MTMR3: variants seen among roughly 807,000 people sequenced by gnomAD.
MTMR3 encodes myotubularin related protein 3.
In MTMR3, 32 loss-of-function variants were observed where a neutral mutation model predicts 132.4. The ratio of observed to expected loss-of-function variants is 0.24; its 90% CI spans 0.18 to 0.32. MTMR3 has a LOEUF of 0.32. MTMR3 is among the 10% of genes least tolerant of loss of function. The probability of loss-of-function intolerance (pLI) is 1.00; values close to 1 mark genes in which losing one functional copy is unlikely to be tolerated. For missense variants in MTMR3, 1,216 were observed against 1,489.6 expected (o/e 0.82, Z 3.02); for synonymous variants, 556 against 550.3 (o/e 1.01, Z -0.14).
At chr22:29,932,966 A>T (rs2065674404) in intron 1 of MTMR3, among the ~76,000 whole-genome samples, 1 of 151,924 alleles carries the variant, frequency 6.6e-6, no homozygotes, top group African/African-American at 2.4e-5. Context: ...TTTTTATAAA[A>T]TTTTAAAATT....
chr22:29,899,512 A>G (rs1221930047), intron 1 of MTMR3: 1 of 152,178 alleles, frequency 6.6e-6, no homozygotes, highest in Non-Finnish European at 1.5e-5. Flanking sequence ...CTTCAATCAC[A>G]GTATTGATTA....
intron 1 of MTMR3, among the ~76,000 whole-genome samples, chr22:29,911,762 G>A (rs1295591599): frequency 3.0e-4 from 46 of 152,138 alleles, no homozygotes; most frequent in Admixed American, 3.0e-3. Context: ...GATCAGTGGA[G>A]TGAAAATAGT....
chr22:30,015,315 T>G (rs2067553521), intron 14 of MTMR3: 2 of 151,840 alleles, frequency 1.3e-5, no homozygotes, highest in South Asian at 4.2e-4. Flanking sequence ...CACCCCGGCC[T>G]TCCAAAATGC....
At chr22:29,902,065 A>T (rs2065011124) in intron 1 of MTMR3, among the ~76,000 whole-genome samples, 2 of 152,168 alleles carry the variant, frequency 1.3e-5, no homozygotes, top group African/African-American at 2.4e-5. Context: ...TGGTTTAAAA[A>T]AATATGGTGC....
chr22:30,015,511 TCCTTCCC>T, intron 14 of MTMR3: 1 of 74,788 alleles, frequency 1.3e-5, no homozygotes, highest in Non-Finnish European at 2.6e-5. Flanking sequence ...CCTCCCTCCC[TCCTTCCC>T]TCCCTCCCTC....
chr22:29,900,140 G>A (rs2064977652), intron 1 of MTMR3, among the ~76,000 whole-genome samples: 1 of 152,002 alleles, frequency 6.6e-6, no homozygotes, highest in African/African-American at 2.4e-5. Context: ...GAGGTTTTTT[G>A]GGGTACATTA....
chr22:29,923,120 C>T (rs2065450747), intron 1 of MTMR3, among the ~76,000 whole-genome samples: 1 of 151,162 alleles, frequency 6.6e-6, no homozygotes, highest in South Asian at 2.1e-4. Flanking sequence ...CGGCTCACTG[C>T]AAGCTCCGCC....
chr22:29,967,182 C>CT (rs778452929), intron 2 of MTMR3, among the ~76,000 whole-genome samples: 3 of 143,680 alleles, frequency 2.1e-5, no homozygotes, highest in Non-Finnish European at 3.0e-5. Flanking sequence ...TATTGTTACT[C>CT]TTCACCTCTG....
chr22:29,936,812 C>CT (rs1385893865), intron 1 of MTMR3, among the ~76,000 whole-genome samples: 1 of 152,008 alleles, frequency 6.6e-6, no homozygotes, highest in Non-Finnish European at 1.5e-5. Flanking sequence ...TTCCCAAAGA[C>CT]TTTTTTCAGT....
intron 19 of MTMR3, chr22:30,025,357 G>A (rs934314963): frequency 1.5e-5 from 7 of 482,690 alleles, no homozygotes; most frequent in African/African-American, 1.2e-4. Flanking sequence ...CTCTTGAGCA[G>A]CATTCTTTTG....
chr22:29,886,103 T>C (rs1424310605), intron 1 of MTMR3, among the ~76,000 whole-genome samples: 3 of 152,240 alleles, frequency 2.0e-5, no homozygotes, highest in African/African-American at 7.2e-5. Flanking sequence ...AGATATTTTT[T>C]AATTAAGTGA....
chr22:30,023,367 C>A, intron 19 of MTMR3: 1 of 1,300,164 alleles, frequency 7.7e-7, no homozygotes, highest in Non-Finnish European at 1.1e-6. Context: ...AGTAATGATG[C>A]TTCTAGGACA....
chr22:30,008,964 A>G lies in MTMR3; in HGVS notation c.1010-54A>G. On this transcript the variant is annotated intron_variant, in intron 11 of 19. Coordinates refer to ENST00000401950, the MANE Select transcript of MTMR3 (RefSeq NM_021090.4). ...AGCCAGTTTGCTTTTAAATTTGGCC[A>G]TGTGGGCTTTAAGTTCAACGTATTT... The G allele has an allele frequency of 1.3e-5, 16 of 1,273,108 alleles. No individual in the cohort carries two copies. The South Asian group carries it at 2.0e-4, about 16-fold the overall frequency. The allele number at this position is 1,273,108 out of a possible 1,614,324, so 78.9% of individuals were successfully genotyped here.
At chr22:29,912,214 G>A (rs2065227318) in intron 1 of MTMR3, among the ~76,000 whole-genome samples, 1 of 152,140 alleles carries the variant, frequency 6.6e-6, no homozygotes, top group African/African-American at 2.4e-5. Context: ...TTTATGCTAA[G>A]GTTAAAGTTG....
chr22:29,945,127 CTCAGCCT>C (rs2065927582), intron 1 of MTMR3, among the ~76,000 whole-genome samples: 1 of 152,160 alleles, frequency 6.6e-6, no homozygotes, highest in East Asian at 1.9e-4. Flanking sequence ...ATTCTCTAGC[CTCAGCCT>C]TCTAAGTAGC....
intron 1 of MTMR3, among the ~76,000 whole-genome samples, chr22:29,932,485 C>T (rs555110550): frequency 2.0e-5 from 3 of 152,188 alleles, no homozygotes; most frequent in African/African-American, 7.2e-5. Context: ...AAGTTATAAT[C>T]AAAGATTGCT....
intron 2 of MTMR3, among the ~76,000 whole-genome samples, chr22:29,959,832 C>G (rs889762474): frequency 6.7e-6 from 1 of 149,012 alleles, no homozygotes; most frequent in African/African-American, 2.5e-5. Flanking sequence ...GATCATGGGT[C>G]ACTGCAGCCT....
intron 4 of MTMR3, 23 bp downstream of exon 4, chr22:29,978,554 T>C: frequency 6.3e-7 from 1 of 1,574,908 alleles, no homozygotes; most frequent in Non-Finnish European, 8.7e-7. Flanking sequence ...CACTTTTAAA[T>C]GTAAAATATT....
At chr22:29,932,292 C>T (rs986925057) in intron 1 of MTMR3, among the ~76,000 whole-genome samples, 10 of 152,226 alleles carry the variant, frequency 6.6e-5, no homozygotes, top group Admixed American at 5.2e-4. Context: ...TCTCTCCCTA[C>T]TAAGGTTCCC....
Sources: allele counts gnomAD v4.1 joint callset (sites outside exome capture counted in the v4.1 genomes callset), GRCh38; gene constraint gnomAD v4.1.1; transcripts MANE v1.5; gene names NCBI Gene and HGNC (gene_info 2026-07-23, HGNC 2026-07-21).